CHTF18: variants seen among roughly 807,000 people sequenced by gnomAD.
The protein encoded by CHTF18 is chromosome transmission fidelity protein 18 homolog.
CHTF18 carries 151 observed loss-of-function variants against 113.4 expected under a neutral mutation model. That is an observed-to-expected ratio of 1.33 (90% CI 1.17 to 1.52). CHTF18 has a LOEUF of 1.52. Among genes scored for constraint, CHTF18 ranks in the 40% most tolerant of loss-of-function variants. The pLI is 0.00. For missense variants in CHTF18, 1,982 were observed against 1,381.6 expected (o/e 1.43, Z -6.89); for synonymous variants, 916 against 598.8 (o/e 1.53, Z -7.74).
intron 4 of CHTF18, 108 bp downstream of exon 4, chr16:789,823 G>A (rs1441113034): frequency 7.2e-7 from 1 of 1,384,236 alleles, no homozygotes; most frequent in African/African-American, 1.4e-5. Flanking sequence ...CCTGTGCAGA[G>A]CCCCAGGGGT....
At position 792,997 on chromosome 16, in the gene CHTF18, C is replaced by G. The variant is rs374111207; in HGVS notation, c.1604C>G (p.Pro535Arg). Reference protein sequence around the residue: ...VSLRQGMRADPGVLAALCEKT... With the variant: ...VSLRQGMRADRGVLAALCEKT... ...CTGCGGCAGGGCATGAGGGCCGACC[C>G]AGGGGTGCTGGCCGCCCTCTGTGAG... Residue 535 changes from proline to arginine, a missense_variant, in exon 13 of 22, where the codon CCA (proline) becomes CGA (arginine). Pro to Arg is a moderately radical substitution (Grantham distance 103, BLOSUM62 -2). Coordinates refer to ENST00000262315, the MANE Select transcript of CHTF18 (RefSeq NM_022092.3). 2.6e-6 allele frequency: 4 copies of G among 1,562,310 alleles called. No individual in the cohort carries two copies. The highest frequency in any genetic ancestry group is 2.4e-5 in the East Asian group (1 of 41,240).
Position 792,538 on chromosome 16 carries a change from C to G in CHTF18, c.1426C>G (p.Arg476Gly). 6.3e-7 allele frequency: 1 copy of G among 1,596,622 alleles called. No individual in the cohort carries two copies. Among genetic ancestry groups the G allele is most frequent in the Non-Finnish European group, 8.5e-7 (1 of 1,175,070 alleles). ...AVPSGGGRRR[R>G]AEGGLLMRPI... is the part of the protein sequence containing the mutation. ...GCCTTCGGGAGGCGGCCGACGGCGC[C>G]GGGCAGAGGGGGGGCTCCTCATGAG... Residue 476 changes from arginine to glycine, a missense_variant, in exon 11 of 22, where the codon CGG (arginine) becomes GGG (glycine). Transcript: ENST00000262315.
At position 790,683 on chromosome 16, in the gene CHTF18, A is replaced by G. The variant is rs373616604; in HGVS notation, c.894+17A>G. ...AGTGATGACGTGAGGTCTTGTTCTC[A>G]CTCAAGTGTGGCTGGCTTCCTCTGT... is the stretch of plus-strand genomic sequence containing the variant. On this transcript the variant is annotated intron_variant, in intron 7 of 21. Coordinates refer to ENST00000262315, the MANE Select transcript of CHTF18 (RefSeq NM_022092.3). 2.6e-6 allele frequency: 4 copies of G among 1,518,822 alleles called. No individual in the cohort carries two copies. Among genetic ancestry groups the G allele is most frequent in the African/African-American group, 1.4e-5 (1 of 71,732 alleles). The allele number at this position is 1,518,822 out of a possible 1,614,324, so 94.1% of individuals were successfully genotyped here.
At position 789,866 on chromosome 16, in the gene CHTF18, C is replaced by T. The variant is rs117084002; in HGVS notation, c.606+151C>T. The T allele has an allele frequency of 2.1e-3, 2,854 of 1,331,846 alleles. 112 individuals carry two copies. In the East Asian group the frequency reaches 0.07, roughly 33 times the overall value. 82.5% of individuals were successfully genotyped at this position (1,331,846 alleles called of 1,614,324 possible). A position where few individuals can be genotyped will look rare whatever the true frequency, so the allele number is the denominator to read the frequency against. On this transcript the variant is annotated intron_variant, in intron 4 of 21. Transcript: ENST00000262315. ...GGGAGGCTGCGTCATGGGGCGTAGACTTAGAGGACACAGCCTCCCCACAGC... is the reference window on the plus strand; with the variant it reads ...GGGAGGCTGCGTCATGGGGCGTAGATTTAGAGGACACAGCCTCCCCACAGC...
chr16:788,684 T>C lies in CHTF18; in HGVS notation c.-1T>C, dbSNP rs750033203. On this transcript the variant is annotated 5_prime_UTR_variant, in exon 1 of 22. Coordinates refer to ENST00000262315, the MANE Select transcript of CHTF18 (RefSeq NM_022092.3). ...AGCGGGAGCTCGGGCTCGCGGACGG[T>C]ATGGAGGACTACGAGCAGGAGCTGT... 76 of 1,584,156 alleles carry C rather than the reference T, an allele frequency of 4.8e-5. No individual in the cohort carries two copies. The highest frequency in any genetic ancestry group is 6.1e-5 in the Non-Finnish European group (71 of 1,168,026).
In CHTF18 at chr16:788,869, A is replaced by G. The variant is rs973993073; in HGVS notation, c.92-62A>G. 1.1e-5 allele frequency: 17 copies of G among 1,505,712 alleles called. No individual in the cohort carries two copies. The Admixed American group carries it at 3.5e-4, about 31-fold the overall frequency. The allele number at this position is 1,505,712 out of a possible 1,614,324, so 93.3% of individuals were successfully genotyped here. A position where few individuals can be genotyped will look rare whatever the true frequency, so the allele number is the denominator to read the frequency against. On this transcript the variant is annotated intron_variant, in intron 1 of 21. Transcript: ENST00000262315. ...CGTGCCGGGGGCCGAAGGGGCCTCC[A>G]CGTCGCCGCTGGCGGGATCTGCTGT... is the stretch of plus-strand genomic sequence containing the variant.
chr16:793,995 G>C, intron 14 of CHTF18, 59 bp from the exon 15 acceptor site: 1 of 1,530,778 alleles, frequency 6.5e-7, no homozygotes, highest in African/African-American at 1.4e-5. Context: ...CCGGGGAGAC[G>C]GGTGGGGCTG....
At chr16:797,499 T>C (rs1398082726) in intron 20 of CHTF18, among the ~76,000 whole-genome samples, 195 bp from the exon 21 acceptor site, 1 of 152,060 alleles carries the variant, frequency 6.6e-6, no homozygotes. Flanking sequence ...CTGTATTGGC[T>C]CTTCTTGATT....
Position 795,945 on chromosome 16 carries a change from A to G in CHTF18, c.2326-2A>G. On this transcript the variant is annotated splice_acceptor_variant, in intron 17 of 21. Coordinates refer to ENST00000262315, the MANE Select transcript of CHTF18 (RefSeq NM_022092.3). LOFTEE classifies it high-confidence loss of function. ...CCCTGTCTGCTGCCTCCCATCCCCT[A>G]GGTGAGCACACAGCTGTACAGCACC... 2 of 1,609,956 alleles carry G rather than the reference A, an allele frequency of 1.2e-6. No homozygotes were observed. The highest frequency in any genetic ancestry group is 1.7e-6 in the Non-Finnish European group (2 of 1,178,780).
intron 20 of CHTF18, among the ~76,000 whole-genome samples, chr16:797,459 C>T (rs761072259): frequency 3.3e-5 from 5 of 152,258 alleles, no homozygotes; most frequent in African/African-American, 9.6e-5. Context: ...TCTACCCAGG[C>T]CTCAGTTTCC....
intron 14 of CHTF18, 99 bp from the exon 15 acceptor site, chr16:793,955 G>A (rs771153232): frequency 2.9e-6 from 4 of 1,363,598 alleles, no homozygotes; most frequent in African/African-American, 2.9e-5. Context: ...AATGAAGTGG[G>A]TGGCAGCTCT....
chr16:796,269 G>A (rs2042345124), intron 18 of CHTF18, among the ~76,000 whole-genome samples, 192 bp downstream of exon 18: 1 of 152,252 alleles, frequency 6.6e-6, no homozygotes, highest in African/African-American at 2.4e-5. Context: ...TTGGCTCTGG[G>A]ACCTGAGTTT....
rs374144726 is a variant in CHTF18, at chr16:789,329, C to T, written c.406C>T (p.Pro136Ser). ...GACGGACATCACCCCGCCGCCGAGC[C>T]CTGAGGACCTCGCAGAGCTTTGGGG... ...SPTDITPPPSPEDLAELWGHG... is the reference protein window; with the variant it reads ...SPTDITPPPSSEDLAELWGHG... The change falls in exon 3 of 22, where the codon CCT becomes TCT. Residue 136 changes from proline (P) to serine (S), a missense_variant. Coordinates refer to ENST00000262315, the MANE Select transcript of CHTF18 (RefSeq NM_022092.3). The T allele has an allele frequency of 2.2e-4, 351 of 1,602,544 alleles. No homozygotes were observed. Among genetic ancestry groups the T allele is most frequent in the Non-Finnish European group, 2.8e-4 (329 of 1,175,188 alleles).
chr16:798,003 A>G lies in CHTF18; in HGVS notation c.*28A>G, dbSNP rs541663059. On this transcript the variant is annotated 3_prime_UTR_variant, in exon 22 of 22. Transcript: ENST00000262315. Reference sequence around the variant, plus strand: ...CTCTGAGCCGCGGACATGCCCTCGCATTGCTTCCCGCAGAGTGCAGAGACA... The same window carrying G: ...CTCTGAGCCGCGGACATGCCCTCGCGTTGCTTCCCGCAGAGTGCAGAGACA... The G allele has an allele frequency of 3.5e-5, 56 of 1,597,810 alleles. 1 individual carries two copies. In the South Asian group the frequency reaches 4.0e-4, roughly 11 times the overall value.
chr16:793,021 A>G lies in CHTF18; in HGVS notation c.1628A>G (p.Glu543Gly), dbSNP rs2042242643. The change falls in exon 13 of 22, where the codon GAG becomes GGG. Residue 543 changes from glutamate to glycine, a missense_variant. Physicochemically the swap from Glu to Gly is moderately conservative, Grantham distance 98. Transcript: ENST00000262315. ...ADPGVLAALC[E>G]KTDNDIRACI... ...CCAGGGGTGCTGGCCGCCCTCTGTG[A>G]GAAAACTGACAATGACATCCGGGCC... The G allele has an allele frequency of 3.8e-6, 6 of 1,566,516 alleles. No homozygotes were observed. The East Asian group carries it at 1.4e-4, about 38-fold the overall frequency.
Position 792,741 on chromosome 16 carries a change from T to C in CHTF18, c.1502T>C (p.Leu501Pro). The C allele has an allele frequency of 6.4e-7, 1 of 1,554,872 alleles. No individual in the cohort carries two copies. Among genetic ancestry groups the C allele is most frequent in the Non-Finnish European group, 8.7e-7 (1 of 1,154,580 alleles). ...AGGTTCGCACCGTCCCTGCGGCAGC[T>C]GAAGCAGCAGGCCTTCCTGCTCCAC... ...NDQFAPSLRQ[L>P]KQQAFLLHFP... The change falls in exon 12 of 22, where the codon CTG becomes CCG. Residue 501 changes from leucine to proline, a missense_variant. By Grantham distance (98) the Leu-to-Pro change is moderately conservative. Transcript: ENST00000262315.
chr16:791,818 T>C (rs771339530), intron 8 of CHTF18, 33 bp from the exon 9 acceptor site: 10 of 1,572,794 alleles, frequency 6.4e-6, no homozygotes, highest in African/African-American at 1.4e-5. Flanking sequence ...GTAGGTGCGG[T>C]GCACACTACG....
At position 795,781 on chromosome 16, in the gene CHTF18, C is replaced by T. The variant is rs1206782520; in HGVS notation, c.2272C>T (p.Leu758Phe). ...CAGCCGGGCCACGCCCCAGGCCCTG[C>T]TCCTCGATGCCCTCTGCCTGCTCCT... ...TRSRATPQAL[L>F]LDALCLLLDI... Residue 758 changes from leucine to phenylalanine, a missense_variant, in exon 17 of 22, where the codon CTC becomes TTC. Physicochemically the swap from Leu to Phe is conservative, Grantham distance 22. Transcript: ENST00000262315. 1.2e-6 allele frequency: 2 copies of T among 1,609,916 alleles called. No homozygotes were observed. Among genetic ancestry groups the T allele is most frequent in the African/African-American group, 1.3e-5 (1 of 74,500 alleles).
chr16:790,580 C>T lies in CHTF18; in HGVS notation c.808C>T (p.Pro270Ser), dbSNP rs139538455. 7.7e-4 allele frequency: 1,232 copies of T among 1,595,490 alleles called. 1 individual carries two copies. Among genetic ancestry groups the T allele is most frequent in the Admixed American group, 9.9e-4 (57 of 57,296 alleles). ...GCCCTTGGGGGCCCCTGAGGAGGAG[C>T]CGACTGACGGTCAAGACGCCTCCAG... ...AQPLGAPEEEPTDGQDASSHC... is the reference protein window; with the variant it reads ...AQPLGAPEEESTDGQDASSHC... The change falls in exon 7 of 22, where the codon CCG becomes TCG. Residue 270 changes from proline (P) to serine (S), a missense_variant. Transcript: ENST00000262315.
Sources: gnomAD v4.1 joint callset for allele counts (sites outside exome capture counted in the v4.1 genomes callset) on GRCh38, gnomAD v4.1.1 for gene constraint, MANE v1.5 for transcripts, NCBI Gene and HGNC (gene_info 2026-07-23, HGNC 2026-07-21) for gene names.